Variants in ADORA3 observed in about 807,000 individuals in gnomAD.
The protein encoded by ADORA3 is adenosine A3 receptor.
ADORA3 carries 3 observed loss-of-function variants against 5.7 expected under a neutral mutation model. That is an observed-to-expected ratio of 0.52 (90% CI 0.24 to 1.35). The LOEUF (loss-of-function observed/expected upper bound fraction) is 1.35, where lower values mean the gene tolerates loss of function less well. ADORA3 is among the 40% of genes most tolerant of loss of function. ADORA3 has a pLI of 0.17. For missense variants in ADORA3, 343 were observed against 389.0 expected (o/e 0.88, Z 0.99); for synonymous variants, 168 against 152.3 (o/e 1.10, Z -0.76).
Position 111,503,404 on chromosome 1 carries a change from C to T in ADORA3, c.-50G>A, listed in dbSNP as rs745379139. On this transcript the variant is annotated 5_prime_UTR_variant, in exon 1 of 2. Transcript: ENST00000241356. ...CAGGGACAGGTGAGCCAGCAAGATC[C>T]GTCTGTAGGGCCAGTGGGCCTAGCT... 21 of 1,551,356 alleles carry T rather than the reference C, an allele frequency of 1.4e-5. 1 individual carries two copies. In the South Asian group the frequency reaches 1.5e-4, roughly 11 times the overall value.
Position 111,500,031 on chromosome 1 carries a change from G to T in ADORA3, c.876C>A (p.Thr292=). Residue 292 remains threonine (T), a synonymous_variant, in exon 2 of 2, where the codon ACC becomes ACA. Coordinates refer to ENST00000241356, the MANE Select transcript of ADORA3 (RefSeq NM_000677.4). The part of the protein sequence containing the change: ...YAYKIKKFKE[T]YLLILKACVV... ...CACAAGCTTTGAGGATCAAAAGGTA[G>T]GTTTCCTTGAACTTCTTTATTTTAT... 2 of 1,614,192 alleles carry T rather than the reference G, an allele frequency of 1.2e-6. No individual in the cohort carries two copies. Among genetic ancestry groups the T allele is most frequent in the South Asian group, 1.1e-5 (1 of 91,080 alleles).
At chr1:111,500,647 G>T in intron 1 of ADORA3, 91 bp from the exon 2 acceptor site, 4 of 1,239,128 alleles carry the variant, frequency 3.2e-6, no homozygotes. Context: ...AGAGAGGTGA[G>T]ATAAGGCATA....
chr1:111,503,179 A>G lies in ADORA3; in HGVS notation c.176T>C (p.Ile59Thr), dbSNP rs1178126110. ...YFIVSLALAD[I>T]AVGVLVMPLA... Reference sequence around the variant, plus strand: ...AGGCATGACCAGCACCCCAACAGCAATGTCAGCCAGGGCTAGAGAGACAAT... The same window carrying G: ...AGGCATGACCAGCACCCCAACAGCAGTGTCAGCCAGGGCTAGAGAGACAAT... The change falls in exon 1 of 2, where the codon ATT becomes ACT. Residue 59 changes from isoleucine to threonine, a missense_variant. Coordinates refer to ENST00000241356, the MANE Select transcript of ADORA3 (RefSeq NM_000677.4). The G allele has an allele frequency of 1.2e-6, 2 of 1,614,124 alleles. No homozygotes were observed. Among genetic ancestry groups the G allele is most frequent in the African/African-American group, 1.3e-5 (1 of 74,946 alleles).
At chr1:111,502,194 T>TTTAA (rs1491491699) in intron 1 of ADORA3, among the ~76,000 whole-genome samples, 1 of 30,774 alleles carries the variant, frequency 3.2e-5, no homozygotes, top group Non-Finnish European at 7.2e-5. Flanking sequence ...GATATATATA[T>TTTAA]TATAATAAAT....
chr1:111,502,849 C>G (rs922349806), intron 1 of ADORA3, among the ~76,000 whole-genome samples, 156 bp downstream of exon 1: 1 of 151,934 alleles, frequency 6.6e-6, no homozygotes, highest in East Asian at 1.9e-4. Context: ...TGTTGCTAAC[C>G]CCCTCACAGA....
rs757472820 is a variant in ADORA3, at chr1:111,500,224, G to A, written c.683C>T (p.Thr228Met). 119 of 1,614,134 alleles carry A rather than the reference G, an allele frequency of 7.4e-5. No individual in the cohort carries two copies. Among genetic ancestry groups the A allele is most frequent in the Middle Eastern group, 1.6e-4 (1 of 6,062 alleles). Residue 228 changes from threonine (T) to methionine (M), a missense_variant, in exon 2 of 2, where the codon ACG (threonine) becomes ATG (methionine). Thr to Met is a moderately conservative substitution (Grantham distance 81, BLOSUM62 -1). Transcript: ENST00000241356. ...TGAFYGREFK[T>M]AKSLFLVLFL... Reference sequence around the variant, plus strand: ...AAGAACCAGAAACAAGGACTTAGCCGTCTTGAACTCCCGTCCATAAAATGC... The same window carrying A: ...AAGAACCAGAAACAAGGACTTAGCCATCTTGAACTCCCGTCCATAAAATGC...
At position 111,499,640 on chromosome 1, in the gene ADORA3, G is replaced by C; in HGVS notation, c.*310C>G. 6 of 1,139,810 alleles carry C rather than the reference G, an allele frequency of 5.3e-6. No individual in the cohort carries two copies. Among genetic ancestry groups the C allele is most frequent in the Non-Finnish European group, 6.5e-6 (6 of 922,666 alleles). The allele number at this position is 1,139,810 out of a possible 1,614,324, so 70.6% of individuals were successfully genotyped here. A position where few individuals can be genotyped will look rare whatever the true frequency, so the allele number is the denominator to read the frequency against. ...GAGCCTTTTGTCAGTAAGTCAACTA[G>C]GCACCCTTCAGGCTCCATGACTTAT... On this transcript the variant is annotated 3_prime_UTR_variant, in exon 2 of 2. Transcript: ENST00000241356.
In ADORA3 at chr1:111,500,478, C is replaced by T; in HGVS notation, c.429G>A (p.Leu143=). The T allele has an allele frequency of 6.2e-7, 1 of 1,614,154 alleles. No individual in the cohort carries two copies. The highest frequency in any genetic ancestry group is 8.5e-7 in the Non-Finnish European group (1 of 1,180,024). ...TCATGTTCCAGCCAAACATGGGGGT[C>T]AATCCCACCAGGAATGACACCAGCC... ...LCWLVSFLVG[L]TPMFGWNMKL... is the part of the protein sequence containing the mutation. The change falls in exon 2 of 2, where the codon TTG becomes TTA. Residue 143 remains leucine (L), a synonymous_variant. Transcript: ENST00000241356.
Position 111,499,613 on chromosome 1 carries a change from T to C in ADORA3, c.*337A>G, listed in dbSNP as rs1200599373. ...CCACCACACACATGTTCAGCCCAAC[T>C]GGAGCCTTTTGTCAGTAAGTCAACT... On this transcript the variant is annotated 3_prime_UTR_variant, in exon 2 of 2. Transcript: ENST00000241356. 2 of 1,102,190 alleles carry C rather than the reference T, an allele frequency of 1.8e-6. No individual in the cohort carries two copies. Among genetic ancestry groups the C allele is most frequent in the African/African-American group, 3.2e-5 (2 of 61,660 alleles). The allele number at this position is 1,102,190 out of a possible 1,614,324, so 68.3% of individuals were successfully genotyped here.
Position 111,500,482 on chromosome 1 carries a change from C to T in ADORA3, c.425G>A (p.Gly142Glu), listed in dbSNP as rs146708148. The T allele has an allele frequency of 2.5e-6, 4 of 1,614,198 alleles. No individual in the cohort carries two copies. Among genetic ancestry groups the T allele is most frequent in the Non-Finnish European group, 3.4e-6 (4 of 1,180,018 alleles). The part of the protein sequence containing the change: ...GLCWLVSFLV[G>E]LTPMFGWNMK... The stretch of plus-strand genomic sequence containing the variant: ...GTTCCAGCCAAACATGGGGGTCAAT[C>T]CCACCAGGAATGACACCAGCCAGCA... Residue 142 changes from glycine (G) to glutamate (E), a missense_variant, in exon 2 of 2, where the codon GGA becomes GAA. Physicochemically the swap from Gly to Glu is moderately conservative, Grantham distance 98. Coordinates refer to ENST00000241356, the MANE Select transcript of ADORA3 (RefSeq NM_000677.4).
In ADORA3 at chr1:111,499,618, C is replaced by T. The variant is rs988287288; in HGVS notation, c.*332G>A. The T allele has an allele frequency of 6.3e-6, 7 of 1,109,960 alleles. No homozygotes were observed. The highest frequency in any genetic ancestry group is 7.7e-6 in the Non-Finnish European group (7 of 905,054). 68.8% of individuals were successfully genotyped at this position (1,109,960 alleles called of 1,614,324 possible). The stretch of plus-strand genomic sequence containing the variant: ...ACACACATGTTCAGCCCAACTGGAG[C>T]CTTTTGTCAGTAAGTCAACTAGGCA... On this transcript the variant is annotated 3_prime_UTR_variant, in exon 2 of 2. Transcript: ENST00000241356.
chr1:111,503,613 T>C lies in ADORA3; in HGVS notation c.-259A>G. 7.6e-7 allele frequency: 1 copy of C among 1,310,812 alleles called. No homozygotes were observed. The highest frequency in any genetic ancestry group is 9.8e-7 in the Non-Finnish European group (1 of 1,022,480). 81.2% of individuals were successfully genotyped at this position (1,310,812 alleles called of 1,614,324 possible). A position where few individuals can be genotyped will look rare whatever the true frequency, so the allele number is the denominator to read the frequency against. On this transcript the variant is annotated 5_prime_UTR_variant, in exon 1 of 2. Transcript: ENST00000241356. ...ACATCCTCAAGTTTCCAGAATGCTG[T>C]AGGACAGCTCTATATGGACTGAATC... is the stretch of plus-strand genomic sequence containing the variant.
At chr1:111,500,666 T>C in intron 1 of ADORA3, 110 bp from the exon 2 acceptor site, 1 of 1,050,748 alleles carries the variant, frequency 9.5e-7, no homozygotes, top group East Asian at 2.4e-5. Flanking sequence ...TATACTCTCT[T>C]AATTCTCCAA....
chr1:111,500,158 T>C lies in ADORA3; in HGVS notation c.749A>G (p.Asn250Ser), dbSNP rs375139289. Residue 250 changes from asparagine to serine, a missense_variant, in exon 2 of 2, where the codon AAC becomes AGC. Coordinates refer to ENST00000241356, the MANE Select transcript of ADORA3 (RefSeq NM_000677.4). ...ALSWLPLSII[N>S]CIIYFNGEVP... ...CTCACCATTAAAGTAGATGATGCAG[T>C]TGATGATAGATAAAGGCAGCCATGA... is the stretch of plus-strand genomic sequence containing the variant. The C allele has an allele frequency of 6.4e-5, 103 of 1,613,964 alleles. No homozygotes were observed. The highest frequency in any genetic ancestry group is 1.7e-4 in the Admixed American group (10 of 59,988).
rs1339724143 is a variant in ADORA3, at chr1:111,500,128, G to T, written c.779C>A (p.Pro260Gln). 6.2e-7 allele frequency: 1 copy of T among 1,614,032 alleles called. No homozygotes were observed. Among genetic ancestry groups the T allele is most frequent in the Non-Finnish European group, 8.5e-7 (1 of 1,179,946 alleles). The stretch of plus-strand genomic sequence containing the variant: ...GATGCCCATGTACAGCACAAGCTGT[G>T]GTACCTCACCATTAAAGTAGATGAT... Reference protein sequence around the residue: ...NCIIYFNGEVPQLVLYMGILL... With the variant: ...NCIIYFNGEVQQLVLYMGILL... Residue 260 changes from proline to glutamine, a missense_variant, in exon 2 of 2, where the codon CCA becomes CAA. By Grantham distance (76) the Pro-to-Gln change is moderately conservative. Transcript: ENST00000241356.
intron 1 of ADORA3, among the ~76,000 whole-genome samples, chr1:111,502,798 T>G (rs1456877221): frequency 6.6e-6 from 1 of 152,022 alleles, no homozygotes; most frequent in Non-Finnish European, 1.5e-5. Context: ...GAGAAAGGAT[T>G]GGAGCATTCC....
rs755987513 is a variant in ADORA3, at chr1:111,500,317, T to C, written c.590A>G (p.Tyr197Cys). 3.7e-6 allele frequency: 6 copies of C among 1,614,214 alleles called. No individual in the cohort carries two copies. The highest frequency in any genetic ancestry group is 2.5e-6 in the Non-Finnish European group (3 of 1,180,040). ...FIPLVVMCAIYLDIFYIIRNK... is the reference protein window; with the variant it reads ...FIPLVVMCAICLDIFYIIRNK... ...CCGAATGATGTAAAAGATGTCAAGA[T>C]AGATGGCGCACATGACAACCAGGGG... Residue 197 changes from tyrosine to cysteine, a missense_variant, in exon 2 of 2, where the codon TAT becomes TGT. Transcript: ENST00000241356.
intron 1 of ADORA3, chr1:111,501,507 T>C (rs1655173580): frequency 6.6e-6 from 1 of 152,236 alleles, no homozygotes; most frequent in Middle Eastern, 3.2e-3. Context: ...ATAGCCACCA[T>C]TTATTGAGCA....
At position 111,503,045 on chromosome 1, in the gene ADORA3, T is replaced by C. The variant is rs1308895259; in HGVS notation, c.310A>G (p.Ile104Val). 2.5e-6 allele frequency: 4 copies of C among 1,614,216 alleles called. No homozygotes were observed. Among genetic ancestry groups the C allele is most frequent in the African/African-American group, 1.3e-5 (1 of 75,052 alleles). ...ACCCGCAAGTATCGGTCCACAGCGA[T>C]GGCCAGCAAGGACATGATGGAGGCG... ...THASIMSLLA[I>V]AVDRYLRVKL... Residue 104 changes from isoleucine (I) to valine (V), a missense_variant, in exon 1 of 2, where the codon ATC (isoleucine) becomes GTC (valine). Ile to Val is a conservative substitution (Grantham distance 29). Transcript: ENST00000241356.
Sources: allele counts gnomAD v4.1 joint callset (sites outside exome capture counted in the v4.1 genomes callset), GRCh38; gene constraint gnomAD v4.1.1; transcripts MANE v1.5; gene names NCBI Gene and HGNC (gene_info 2026-07-23, HGNC 2026-07-21).